BAZ1A: variants seen among roughly 807,000 people sequenced by gnomAD.
The protein encoded by BAZ1A is bromodomain adjacent to zinc finger domain 1A.
A neutral mutation model predicts 185.2 loss-of-function variants in BAZ1A; 50 were observed. The observed-to-expected ratio is 0.27, with a 90% confidence interval of 0.22 to 0.34. The LOEUF is 0.34. Among genes scored for constraint, BAZ1A ranks in the 10% least tolerant of loss-of-function variants. BAZ1A has a pLI of 1.00. For synonymous variants in BAZ1A, 571 were observed against 615.6 expected (o/e 0.93, Z 1.07); for missense variants, 1,356 against 1,839.9 (o/e 0.74, Z 4.81).
At chr14:34,756,466 A>T (rs55775297) in intron 25 of BAZ1A, among the ~76,000 whole-genome samples, 26,042 of 79,024 alleles carry the variant, frequency 0.33, 3,671 homozygotes, top group Non-Finnish European at 0.38. Context: ...CAGAATACCT[A>T]TTTTTTTTTT....
intron 3 of BAZ1A, among the ~76,000 whole-genome samples, chr14:34,857,236 G>A (rs949305358): frequency 1.3e-5 from 2 of 151,960 alleles, no homozygotes; most frequent in Non-Finnish European, 2.9e-5. Flanking sequence ...TCGATCTCCT[G>A]ACCTCATGAT....
intron 12 of BAZ1A, chr14:34,786,599 ATG>A (rs202082029): frequency 0.012 from 938 of 80,236 alleles, 60 homozygotes; most frequent in African/African-American, 0.041. Flanking sequence ...CCAATCTTTT[ATG>A]TGTGTTTTTT....
chr14:34,780,158 G>T, intron 17 of BAZ1A, 28 bp downstream of exon 17: 1 of 1,610,540 alleles, frequency 6.2e-7, no homozygotes. Context: ...AAATACACAA[G>T]AATGCCCTAA....
intron 4 of BAZ1A, among the ~76,000 whole-genome samples, chr14:34,814,866 T>G (rs574890281): frequency 6.6e-6 from 1 of 151,922 alleles, no homozygotes; most frequent in South Asian, 2.1e-4. Context: ...CTCCGTTTCC[T>G]GGGTTCAAGA....
intron 9 of BAZ1A, among the ~76,000 whole-genome samples, chr14:34,799,831 C>T (rs538777208): frequency 5.9e-5 from 9 of 152,134 alleles, no homozygotes; most frequent in African/African-American, 1.2e-4. Context: ...AGGCTGGTCT[C>T]GAACTCCTGA....
chr14:34,784,436 C>T (rs181010805), intron 14 of BAZ1A, among the ~76,000 whole-genome samples: 3 of 148,094 alleles, frequency 2.0e-5, no homozygotes, highest in East Asian at 4.0e-4. Context: ...ATATATGAGG[C>T]ATTTCAAATG....
At chr14:34,770,601 A>T (rs1879146041) in intron 21 of BAZ1A, among the ~76,000 whole-genome samples, 1 of 152,268 alleles carries the variant, frequency 6.6e-6, no homozygotes, top group Middle Eastern at 3.4e-3. Flanking sequence ...AAACATCTCA[A>T]AAAAACAACA....
intron 17 of BAZ1A, among the ~76,000 whole-genome samples, chr14:34,779,792 G>C (rs1217714171): frequency 6.6e-6 from 1 of 152,076 alleles, no homozygotes; most frequent in Non-Finnish European, 1.5e-5. Context: ...TAGCACATAG[G>C]AGGCATCCAA....
chr14:34,764,971 G>A, intron 22 of BAZ1A, 38 bp from the exon 23 acceptor site: 1 of 1,613,268 alleles, frequency 6.2e-7, no homozygotes, highest in South Asian at 1.1e-5. Flanking sequence ...ATCATCTATT[G>A]CTCAAAATCT....
At chr14:34,768,545 C>A in intron 21 of BAZ1A, 1 of 241,530 alleles carries the variant, frequency 4.1e-6, no homozygotes, top group Non-Finnish European at 8.2e-6. Flanking sequence ...TAAGCTTACC[C>A]CCAAGTCCAT....
At chr14:34,797,975 G>C (rs931389362) in intron 9 of BAZ1A, among the ~76,000 whole-genome samples, 1 of 152,256 alleles carries the variant, frequency 6.6e-6, no homozygotes, top group Non-Finnish European at 1.5e-5. Context: ...CCCAAATACT[G>C]CGCTTTTCCA....
intron 3 of BAZ1A, among the ~76,000 whole-genome samples, chr14:34,830,801 G>A (rs908175711): frequency 1.6e-4 from 18 of 109,118 alleles, no homozygotes; most frequent in African/African-American, 6.6e-4. Flanking sequence ...GTCTCACTCT[G>A]TCCCCCAGGC....
At chr14:34,848,926 T>G (rs1035959114) in intron 3 of BAZ1A, among the ~76,000 whole-genome samples, 1 of 152,232 alleles carries the variant, frequency 6.6e-6, no homozygotes, top group Non-Finnish European at 1.5e-5. Context: ...AAAGAAGCTT[T>G]ATCCGTCCTC....
At position 34,800,261 on chromosome 14, in the gene BAZ1A, T is replaced by C; in HGVS notation, c.1091A>G (p.Lys364Arg). Residue 364 changes from lysine to arginine, a missense_variant, in exon 9 of 27, where the codon AAA becomes AGA. By Grantham distance (26) the Lys-to-Arg change is conservative (BLOSUM62 2). Around this residue, in one of 7 missense-constraint regions of BAZ1A, gnomAD observed 184 missense variants for 355.1 expected, o/e 0.52. Transcript: ENST00000360310. ...TACTTTAAGCCTCTCTTTTTCTTCT[T>C]TTTTCTTTAGTCTCTCTTCTTCAAC... is the stretch of plus-strand genomic sequence containing the variant. The part of the protein sequence containing the change: ...KIVEEERLKK[K>R]EEKERLKVER... 7.0e-7 allele frequency: 1 copy of C among 1,424,260 alleles called. No homozygotes were observed. Among genetic ancestry groups the C allele is most frequent in the Admixed American group, 2.5e-5 (1 of 39,924 alleles). The allele number at this position is 1,424,260 out of a possible 1,614,324, so 88.2% of individuals were successfully genotyped here. A position where few individuals can be genotyped will look rare whatever the true frequency, so the allele number is the denominator to read the frequency against.
At chr14:34,859,258 A>T (rs1192769892) in intron 3 of BAZ1A, among the ~76,000 whole-genome samples, 2 of 152,058 alleles carry the variant, frequency 1.3e-5, no homozygotes, top group Non-Finnish European at 2.9e-5. Flanking sequence ...GACCTCATCT[A>T]TACTAAAAGT....
In BAZ1A at chr14:34,761,834, C is replaced by G. The variant is rs758127664; in HGVS notation, c.4166G>C (p.Arg1389Thr). 1.7e-5 allele frequency: 28 copies of G among 1,614,034 alleles called. No individual in the cohort carries two copies. In the South Asian group the frequency reaches 2.5e-4, roughly 15 times the overall value. The change falls in exon 24 of 27, where the codon AGA (arginine) becomes ACA (threonine). Residue 1389 changes from arginine (R) to threonine (T), a missense_variant. Transcript: ENST00000360310. ...AAGTTTTGAAGCAATATTTACAGAT[C>G]TTGACTGTTCACTTGACTTTGTGGC... ...VIATKSSEQS[R>T]SVNIASKLSL...
rs75313265 is a variant in BAZ1A at position 34,853,676 on chromosome 14, A to C, written c.392+8368T>G. Reference sequence around the variant, plus strand: ...GTGGCACACGCCTGTAATCTCAGCTACTCGGGAGGCTATGGCAGGAGAATT... The same window carrying C: ...GTGGCACACGCCTGTAATCTCAGCTCCTCGGGAGGCTATGGCAGGAGAATT... On this transcript the variant is annotated intron_variant, in intron 3 of 26. Transcript: ENST00000360310. Among the ~76,000 whole-genome samples, 502 of 152,240 alleles carry C rather than the reference A, an allele frequency of 3.3e-3. 2 individuals carry two copies. The highest frequency in any genetic ancestry group is 0.012 in the African/African-American group (479 of 41,554).
intron 21 of BAZ1A, among the ~76,000 whole-genome samples, chr14:34,769,719 C>T (rs1879085330): frequency 6.6e-6 from 1 of 152,118 alleles, no homozygotes; most frequent in Admixed American, 6.6e-5. Context: ...TTAGTAGTAA[C>T]AGTATCTTAC....
intron 14 of BAZ1A, among the ~76,000 whole-genome samples, chr14:34,784,587 G>A (rs1751092026): frequency 6.6e-6 from 1 of 151,096 alleles, no homozygotes; most frequent in Non-Finnish European, 1.5e-5. Context: ...GCGCGATCTC[G>A]GCTCACTGCA....
Sources: allele counts gnomAD v4.1 joint callset (sites outside exome capture counted in the v4.1 genomes callset), GRCh38; gene constraint gnomAD v4.1.1; regional missense constraint gnomAD v4.1.1; transcripts MANE v1.5; gene names NCBI Gene and HGNC (gene_info 2026-07-23, HGNC 2026-07-21).